The following SEMA5A variants were observed in gnomAD, a reference collection of about 807,000 sequenced individuals.
SEMA5A encodes semaphorin 5A, also known as semaphorin-5A.
Under a neutral mutation model 135.5 loss-of-function variants are expected in SEMA5A, and 55 were observed. The ratio of observed to expected loss-of-function variants is 0.41; its 90% CI spans 0.33 to 0.51. The LOEUF (loss-of-function observed/expected upper bound fraction) is 0.51. Ranked by LOEUF, SEMA5A falls within the 20% of genes least tolerant of loss-of-function variation. SEMA5A has a pLI of 0.37. For missense variants in SEMA5A, 1,290 were observed against 1,419.9 expected, an observed-to-expected ratio of 0.91 and a Z score of 1.47; for synonymous variants, 580 against 546.5, an observed-to-expected ratio of 1.06 and a Z score of -0.85.
At chr5:9,366,502 C>T (rs575035789) in intron 3 of SEMA5A, among the ~76,000 whole-genome samples, 3 of 152,146 alleles carry the variant, frequency 2.0e-5, no homozygotes, top group South Asian at 4.1e-4. Context: ...CATTCTCCTG[C>T]GTCAGCTTCC....
At chr5:9,374,991 T>C (rs1755303353) in intron 3 of SEMA5A, among the ~76,000 whole-genome samples, 1 of 152,162 alleles carries the variant, frequency 6.6e-6, no homozygotes, top group African/African-American at 2.4e-5. Context: ...TTCCTTCACC[T>C]CATTCCTTCC....
intron 2 of SEMA5A, among the ~76,000 whole-genome samples, chr5:9,435,790 T>G (rs1758006921): frequency 6.6e-6 from 1 of 152,240 alleles, no homozygotes; most frequent in Non-Finnish European, 1.5e-5. Context: ...GGCAGAGTGA[T>G]GCAGCAGAGA....
chr5:9,052,192 C>CCAGTACATA (rs1286405919), intron 19 of SEMA5A, among the ~76,000 whole-genome samples, 164 bp from the exon 20 acceptor site: 3 of 152,104 alleles, frequency 2.0e-5, no homozygotes, highest in Non-Finnish European at 2.9e-5. Flanking sequence ...TCTAACAGAT[C>CCAGTACATA]CAGTACATAC....
intron 5 of SEMA5A, among the ~76,000 whole-genome samples, chr5:9,307,187 G>A (rs181131111): frequency 6.6e-6 from 1 of 152,288 alleles, no homozygotes; most frequent in African/African-American, 2.4e-5. Flanking sequence ...AGTATCACTT[G>A]AAAAAGTGGC....
intron 1 of SEMA5A, among the ~76,000 whole-genome samples, chr5:9,467,855 C>T (rs1250596178): frequency 1.3e-5 from 2 of 152,246 alleles, no homozygotes; most frequent in African/African-American, 4.8e-5. Context: ...TAAGGAAACA[C>T]TGCAGATGAA....
At chr5:9,278,421 T>C (rs2150558159) in intron 5 of SEMA5A, among the ~76,000 whole-genome samples, 2 of 152,316 alleles carry the variant, frequency 1.3e-5, no homozygotes, top group Middle Eastern at 6.8e-3. Flanking sequence ...CATAAAAGTT[T>C]GGAAAATTTG....
At chr5:9,280,845 C>A (rs6555597) in intron 5 of SEMA5A, 419,478 of 419,488 alleles carry the variant, frequency 1, 209,734 homozygotes, top group Middle Eastern at 1. Context: ...TAAAATGTAA[C>A]GTTTTAGCAA....
At chr5:9,089,510 A>G (rs993975261) in intron 16 of SEMA5A, among the ~76,000 whole-genome samples, 1 of 152,014 alleles carries the variant, frequency 6.6e-6, no homozygotes, top group Non-Finnish European at 1.5e-5. Context: ...ATCGCAGTAC[A>G]TTTGATGACC....
intron 1 of SEMA5A, among the ~76,000 whole-genome samples, chr5:9,446,600 GTAGAGGA>G (rs1362576005): frequency 2.0e-5 from 3 of 151,992 alleles, no homozygotes; most frequent in African/African-American, 4.8e-5. Flanking sequence ...TCAATCCTTT[GTAGAGGA>G]AAATCTCAGT....
At chr5:9,215,118 A>C (rs1746543673) in intron 8 of SEMA5A, among the ~76,000 whole-genome samples, 1 of 152,182 alleles carries the variant, frequency 6.6e-6, no homozygotes, top group African/African-American at 2.4e-5. Context: ...CAGACAGGAG[A>C]TCACCATCCC....
chr5:9,340,452 A>G (rs1753598255), intron 3 of SEMA5A, among the ~76,000 whole-genome samples: 1 of 152,208 alleles, frequency 6.6e-6, no homozygotes, highest in South Asian at 2.1e-4. Context: ...CCATGCATTC[A>G]TCTTTCTTTT....
At position 9,224,561 on chromosome 5, in the gene SEMA5A, TAGA is replaced by T. The variant is rs746912778; in HGVS notation, c.646+110_646+112del. The T allele has an allele frequency of 5.5e-6, 5 of 907,182 alleles. No homozygotes were observed. The East Asian group carries it at 1.0e-4, about 19-fold the overall frequency. 56.2% of individuals were successfully genotyped at this position (907,182 alleles called of 1,614,324 possible). On this transcript the variant is annotated intron_variant, in intron 8 of 22. Coordinates refer to ENST00000382496, the MANE Select transcript of SEMA5A (RefSeq NM_003966.3). ...TGAACAAGCGACACTTTGATTTCTT[TAGA>T]AGATGAAGAATTCATTTTTATTTAG...
intron 1 of SEMA5A, among the ~76,000 whole-genome samples, chr5:9,452,698 T>G (rs890963493): frequency 6.6e-6 from 1 of 152,192 alleles, no homozygotes; most frequent in Admixed American, 6.5e-5. Context: ...AAAACTGAGA[T>G]GCAGGTCTAA....
Position 9,191,544 on chromosome 5 carries a change from C to T in SEMA5A, c.1069-1073G>A, listed in dbSNP as rs140413322. 1.3e-3 allele frequency among the ~76,000 whole-genome samples: 192 copies of T among 152,240 alleles called. 1 individual carries two copies. The highest frequency in any genetic ancestry group is 4.1e-3 in the African/African-American group (172 of 41,534). ...CCAGGCCCATACCACCTGAAACTACCCTTTATAACATGTCATGTCTAATAT... is the reference window on the plus strand; with the variant it reads ...CCAGGCCCATACCACCTGAAACTACTCTTTATAACATGTCATGTCTAATAT... On this transcript the variant is annotated intron_variant, in intron 10 of 22. Coordinates refer to ENST00000382496, the MANE Select transcript of SEMA5A (RefSeq NM_003966.3).
At chr5:9,083,769 A>G (rs1464977970) in intron 16 of SEMA5A, among the ~76,000 whole-genome samples, 1 of 152,220 alleles carries the variant, frequency 6.6e-6, no homozygotes, top group African/African-American at 2.4e-5. Context: ...TCAGCCTCAC[A>G]CCAACTACTT....
Position 9,202,161 on chromosome 5 carries a change from A to ACAGT in SEMA5A, c.722_725dup (p.Cys242Ter). 6.2e-7 allele frequency: 1 copy of ACAGT among 1,614,200 alleles called. No individual in the cohort carries two copies. Among genetic ancestry groups the ACAGT allele is most frequent in the Non-Finnish European group, 8.5e-7 (1 of 1,180,028 alleles). Reference sequence around the variant, plus strand: ...CAGCTCTGGAGAACACTGTTTTCCCACAGTCATGCTCTACTGCATTTTCTC... The same window carrying ACAGT: ...CAGCTCTGGAGAACACTGTTTTCCCACAGTCAGTCATGCTCTACTGCATTTTCTC... On this transcript the variant is annotated stop_gained and frameshift_variant, in exon 9 of 23. Transcript: ENST00000382496. LOFTEE classifies it high-confidence loss of function.
intron 9 of SEMA5A, among the ~76,000 whole-genome samples, chr5:9,201,157 G>A (rs1349168099): frequency 6.6e-6 from 1 of 152,190 alleles, no homozygotes; most frequent in African/African-American, 2.4e-5. Context: ...CAGCCAGTGT[G>A]TAGGAAAGTG....
Position 9,274,488 on chromosome 5 carries a change from A to G in SEMA5A, c.271-36598T>C, listed in dbSNP as rs1037350961. On this transcript the variant is annotated intron_variant, in intron 5 of 22. Transcript: ENST00000382496. The stretch of plus-strand genomic sequence containing the variant: ...GCTCTGGACCAAGTGGACCTAATAG[A>G]CATCTACAGAACTCTCCACACCAAA... 8.5e-5 allele frequency among the ~76,000 whole-genome samples: 13 copies of G among 152,164 alleles called. No homozygotes were observed. The South Asian group carries it at 2.7e-3, about 32-fold the overall frequency.
intron 11 of SEMA5A, among the ~76,000 whole-genome samples, chr5:9,159,282 C>A (rs1743119529): frequency 6.6e-6 from 1 of 152,188 alleles, no homozygotes; most frequent in Non-Finnish European, 1.5e-5. Context: ...ATGGACTCCA[C>A]AGTGAACATT....
Sources: gnomAD v4.1 joint callset for allele counts (sites outside exome capture counted in the v4.1 genomes callset) on GRCh38, gnomAD v4.1.1 for gene constraint, MANE v1.5 for transcripts, NCBI Gene and HGNC (gene_info 2026-07-23, HGNC 2026-07-21) for gene names.